Variants in ZNF721 observed in about 807,000 individuals in gnomAD.
ZNF721 encodes zinc finger protein 721.
Under a neutral mutation model 2.4 loss-of-function variants are expected in ZNF721, and 2 were observed. The observed-to-expected ratio is 0.82, with a 90% CI of 0.34 to 2.58. The LOEUF (loss-of-function observed/expected upper bound fraction) is 2.58, where lower values mean the gene tolerates loss of function less well. Ranked by LOEUF, ZNF721 falls within the 30% of genes most tolerant of loss-of-function variation. The pLI, the probability that ZNF721 is intolerant of heterozygous loss-of-function variation, is 0.11. For missense variants in ZNF721, 1,187 were observed against 1,085.5 expected (o/e 1.09, Z -1.31); for synonymous variants, 398 against 381.8 (o/e 1.04, Z -0.50).
chr4:471,348 T>C (rs1715426313), intron 2 of ZNF721, among the ~76,000 whole-genome samples: 1 of 152,162 alleles, frequency 6.6e-6, no homozygotes, highest in Non-Finnish European at 1.5e-5. Context: ...AGAGTGTATA[T>C]ATACACAGTA....
At chr4:485,740 C>A (rs1576972144) in intron 1 of ZNF721, among the ~76,000 whole-genome samples, 1 of 152,256 alleles carries the variant, frequency 6.6e-6, no homozygotes, top group East Asian at 1.9e-4. Flanking sequence ...CTTTGGGAGG[C>A]CGAGGCGGGC....
At chr4:483,692 T>G (rs1715826801) in intron 1 of ZNF721, among the ~76,000 whole-genome samples, 1 of 152,250 alleles carries the variant, frequency 6.6e-6, no homozygotes. Flanking sequence ...TTGTTATAAT[T>G]TATTGAGCAT....
chr4:491,988 A>C (rs1716032741), intron 1 of ZNF721, among the ~76,000 whole-genome samples: 1 of 149,342 alleles, frequency 6.7e-6, no homozygotes, highest in South Asian at 2.1e-4. Flanking sequence ...CCCCATCTCT[A>C]CTAAAAAAAA....
intron 1 of ZNF721, among the ~76,000 whole-genome samples, chr4:493,103 TTA>T (rs1716066430): frequency 6.6e-6 from 1 of 151,916 alleles, no homozygotes; most frequent in Admixed American, 6.6e-5. Context: ...CCTAGATTAT[TTA>T]TGATAACTGT....
At chr4:460,094 G>C (rs1221024998) in intron 2 of ZNF721, among the ~76,000 whole-genome samples, 1 of 152,054 alleles carries the variant, frequency 6.6e-6, no homozygotes, top group Non-Finnish European at 1.5e-5. Flanking sequence ...CCAAGCAGAC[G>C]TAATAGACAT....
intron 1 of ZNF721, among the ~76,000 whole-genome samples, chr4:488,860 A>G (rs1553871002): frequency 6.6e-6 from 1 of 152,030 alleles, no homozygotes; most frequent in African/African-American, 2.4e-5. Flanking sequence ...AATAAAATAA[A>G]AGGAAGAGGA....
intron 2 of ZNF721, among the ~76,000 whole-genome samples, chr4:460,334 C>G (rs1377854124): frequency 6.6e-6 from 1 of 152,134 alleles, no homozygotes; most frequent in Non-Finnish European, 1.5e-5. Flanking sequence ...TCCTGAATGA[C>G]TACTGGGTAA....
chr4:467,681 C>A (rs1472303134), intron 2 of ZNF721, among the ~76,000 whole-genome samples: 3 of 152,336 alleles, frequency 2.0e-5, no homozygotes, highest in East Asian at 3.9e-4. Context: ...CATCAAGAGA[C>A]CTGCAGGAAG....
intron 2 of ZNF721, among the ~76,000 whole-genome samples, chr4:470,884 C>A (rs1715411014): frequency 6.6e-6 from 1 of 151,852 alleles, no homozygotes; most frequent in African/African-American, 2.4e-5. Flanking sequence ...CCAGGAATCA[C>A]AGCTACTCGG....
At chr4:497,626 C>A (rs904323539) in intron 1 of ZNF721, among the ~76,000 whole-genome samples, 1 of 151,286 alleles carries the variant, frequency 6.6e-6, no homozygotes, top group African/African-American at 2.4e-5. Context: ...CGGTGTCTCA[C>A]GCCTGTAATC....
chr4:479,296 C>G (rs575992745), intron 1 of ZNF721, among the ~76,000 whole-genome samples: 6 of 152,180 alleles, frequency 3.9e-5, no homozygotes, highest in African/African-American at 1.4e-4. Context: ...CTTCCTTGCC[C>G]GGGAAGCAGC....
chr4:469,224 T>A (rs1171736797), intron 2 of ZNF721, among the ~76,000 whole-genome samples: 2 of 151,952 alleles, frequency 1.3e-5, no homozygotes, highest in African/African-American at 4.8e-5. Flanking sequence ...AATGAACCAC[T>A]ACACCTGCCC....
At chr4:478,740 G>A (rs1715700302) in intron 1 of ZNF721, among the ~76,000 whole-genome samples, 1 of 150,684 alleles carries the variant, frequency 6.6e-6, no homozygotes, top group African/African-American at 2.4e-5. Context: ...GATAAGTAAT[G>A]TTTTGTACAT....
intron 1 of ZNF721, among the ~76,000 whole-genome samples, chr4:485,674 C>T (rs1303829721): frequency 6.6e-6 from 1 of 152,196 alleles, no homozygotes. Flanking sequence ...ATCGCCATTG[C>T]CTGGGTCTCA....
intron 2 of ZNF721, among the ~76,000 whole-genome samples, chr4:468,142 C>T (rs1348292471): frequency 6.6e-6 from 1 of 152,116 alleles, no homozygotes; most frequent in African/African-American, 2.4e-5. Flanking sequence ...TGACGGGCGC[C>T]TTTAGTCCCA....
chr4:460,119 AC>A (rs1365148093), intron 2 of ZNF721, among the ~76,000 whole-genome samples: 3 of 152,172 alleles, frequency 2.0e-5, no homozygotes, highest in African/African-American at 7.2e-5. Context: ...AGAACTCTCC[AC>A]CCCAAATCAA....
intron 2 of ZNF721, among the ~76,000 whole-genome samples, chr4:470,725 A>C (rs1385786889): frequency 6.6e-6 from 1 of 152,068 alleles, no homozygotes; most frequent in Non-Finnish European, 1.5e-5. Flanking sequence ...AAAAAATAAA[A>C]TAAAATAAAA....
At chr4:453,722 T>C (rs1236010333) in intron 2 of ZNF721, 1 of 152,236 alleles carries the variant, frequency 6.6e-6, no homozygotes, top group African/African-American at 2.4e-5. Flanking sequence ...ATGAGCTACC[T>C]TGAAGAATCG....
At chr4:461,022 G>T (rs1254966611) in intron 2 of ZNF721, among the ~76,000 whole-genome samples, 1 of 152,116 alleles carries the variant, frequency 6.6e-6, no homozygotes, top group Admixed American at 6.6e-5. Flanking sequence ...ACGGTACAAA[G>T]GGGAGCGAGC....
Sources: allele counts gnomAD v4.1 joint callset (sites outside exome capture counted in the v4.1 genomes callset), GRCh38; gene constraint gnomAD v4.1.1; transcripts MANE v1.5; gene names NCBI Gene and HGNC (gene_info 2026-07-23, HGNC 2026-07-21).